Variants in HIBCH observed in about 807,000 individuals in gnomAD.
HIBCH encodes 3-hydroxyisobutyryl-CoA hydrolase.
In HIBCH, 50 loss-of-function variants were observed where a neutral mutation model predicts 58.2. The observed-to-expected ratio is 0.86, with a 90% CI of 0.68 to 1.09. The LOEUF is 1.09. HIBCH is among the 50% of genes least tolerant of loss of function. The pLI is 0.00. For missense variants in HIBCH, 450 were observed against 449.7 expected, an observed-to-expected ratio of 1.00 and a Z score of -0.01; for synonymous variants, 151 against 146.9, an observed-to-expected ratio of 1.03 and a Z score of -0.20.
intron 6 of HIBCH, among the ~76,000 whole-genome samples, chr2:190,276,440 T>A (rs1687553989): frequency 6.6e-6 from 1 of 152,248 alleles, no homozygotes; most frequent in African/African-American, 2.4e-5. Flanking sequence ...AAATCTCATG[T>A]TGAAATTTAT....
chr2:190,294,597 T>A lies in HIBCH; in HGVS notation c.253A>T (p.Ile85Phe). 3 of 1,612,748 alleles carry A rather than the reference T, an allele frequency of 1.9e-6. No individual in the cohort carries two copies. Among genetic ancestry groups the A allele is most frequent in the Non-Finnish European group, 2.5e-6 (3 of 1,179,624 alleles). Reference sequence around the variant, plus strand: ...GCCTTTCCTCCTGCTCCCTTTATAATGATCAGGAAAGTTTCAGGATCTTGT... The same window carrying A: ...GCCTTTCCTCCTGCTCCCTTTATAAAGATCAGGAAAGTTTCAGGATCTTGT... ...WEQDPETFLI[I>F]IKGAGGKAFC... Residue 85 changes from isoleucine to phenylalanine, a missense_variant, in exon 4 of 14, where the codon ATT becomes TTT. Physicochemically the swap from Ile to Phe is conservative, Grantham distance 21. Transcript: ENST00000359678.
At chr2:190,317,374 G>C (rs1053084337) in intron 1 of HIBCH, among the ~76,000 whole-genome samples, 2 of 152,172 alleles carry the variant, frequency 1.3e-5, no homozygotes, top group African/African-American at 2.4e-5. Context: ...CCCTACATAA[G>C]GAACAGTAGG....
intron 6 of HIBCH, among the ~76,000 whole-genome samples, chr2:190,269,119 C>T (rs1477414671): frequency 6.6e-6 from 1 of 152,128 alleles, no homozygotes; most frequent in Non-Finnish European, 1.5e-5. Context: ...AGACCTAAAA[C>T]CATAAAAACC....
rs1019612012 is a variant in HIBCH at position 190,211,646 on chromosome 2, C to T, written c.1011+1310G>A. On this transcript the variant is annotated intron_variant, in intron 12 of 13. Coordinates refer to ENST00000359678, the MANE Select transcript of HIBCH (RefSeq NM_014362.4). This position sits in a 1 kb window ranked among gnomAD's most constrained non-coding sequence, Gnocchi z 5.0. ...TACTTAAGGAGGTTTCCCATTGCCC[C>T]CCAACTCCCTCCTGTCCCTGCATAA... Among the ~76,000 whole-genome samples, 2 of 152,180 alleles carry T rather than the reference C, an allele frequency of 1.3e-5. No individual in the cohort carries two copies. The highest frequency in any genetic ancestry group is 4.8e-5 in the African/African-American group (2 of 41,446).
chr2:190,269,143 T>C (rs1261427482), intron 6 of HIBCH, among the ~76,000 whole-genome samples: 1 of 152,152 alleles, frequency 6.6e-6, no homozygotes, highest in Admixed American at 6.5e-5. Context: ...GAAGAAAATC[T>C]AGGCAATACC....
At position 190,319,796 on chromosome 2, in the gene HIBCH, A is replaced by G. The variant is rs745453202; in HGVS notation, c.-46T>C. On this transcript the variant is annotated 5_prime_UTR_variant, in exon 1 of 14. Transcript: ENST00000359678. The stretch of plus-strand genomic sequence containing the variant: ...AAGCAGCAGAGCGAGAATCTCCCGG[A>G]CCGTTCCAGCGCCTCGCGTGAGCCC... The G allele has an allele frequency of 1.2e-4, 197 of 1,594,984 alleles. No individual in the cohort carries two copies. The highest frequency in any genetic ancestry group is 1.6e-4 in the Non-Finnish European group (188 of 1,170,356).
intron 2 of HIBCH, 43 bp from the exon 3 acceptor site, chr2:190,296,996 T>G: frequency 6.3e-7 from 1 of 1,588,722 alleles, no homozygotes; most frequent in Non-Finnish European, 8.6e-7. Flanking sequence ...TTTCTTAAGT[T>G]TTTATCACAA....
chr2:190,232,328 A>G (rs753018435), intron 11 of HIBCH, among the ~76,000 whole-genome samples: 7 of 152,242 alleles, frequency 4.6e-5, no homozygotes, highest in Non-Finnish European at 1.0e-4. Context: ...AATATATGCA[A>G]GCATAAGTCT....
intron 11 of HIBCH, chr2:190,220,321 C>T (rs1685680928): frequency 6.6e-6 from 1 of 152,134 alleles, no homozygotes; most frequent in Non-Finnish European, 1.5e-5. Flanking sequence ...CTTCAAGATT[C>T]TGTGTTCTCT....
intron 11 of HIBCH, among the ~76,000 whole-genome samples, chr2:190,230,877 C>T (rs1686075725): frequency 6.6e-6 from 1 of 152,144 alleles, no homozygotes; most frequent in African/African-American, 2.4e-5. Flanking sequence ...TAAAACTTGA[C>T]ATGACAATTA....
intron 6 of HIBCH, 152 bp downstream of exon 6, chr2:190,287,434 T>C (rs1169095933): frequency 1.5e-6 from 1 of 654,246 alleles, no homozygotes; most frequent in East Asian, 2.8e-5. Context: ...GCAAATATTA[T>C]ATCTCAAATC....
At chr2:190,240,412 G>A (rs1161829617) in intron 11 of HIBCH, among the ~76,000 whole-genome samples, 1 of 151,638 alleles carries the variant, frequency 6.6e-6, no homozygotes, top group Non-Finnish European at 1.5e-5. Context: ...CTGGCTAGTG[G>A]TCTATTTTGT....
chr2:190,262,142 T>G (rs1687104316), intron 6 of HIBCH, among the ~76,000 whole-genome samples: 1 of 145,624 alleles, frequency 6.9e-6, no homozygotes, highest in African/African-American at 2.5e-5. Context: ...AAGTAAAAGC[T>G]GGTTTTATAT....
chr2:190,258,124 A>G (rs77315392), intron 7 of HIBCH, among the ~76,000 whole-genome samples: 29,857 of 152,016 alleles, frequency 0.2, 3,186 homozygotes, highest in East Asian at 0.32. Flanking sequence ...TGCTGTTCTC[A>G]TAATAATGAG....
chr2:190,266,450 T>C (rs915160491), intron 6 of HIBCH, among the ~76,000 whole-genome samples: 2 of 152,212 alleles, frequency 1.3e-5, no homozygotes, highest in African/African-American at 4.8e-5. Context: ...TTTATTTATT[T>C]TGAGCCAGAG....
In HIBCH at chr2:190,216,682, CA is replaced by C. The variant is rs1321124943; in HGVS notation, c.892-3608del. The stretch of plus-strand genomic sequence containing the variant: ...GATTTTTAAATGCTGGTTATCAGTT[CA>C]AAAAACTTAAAAACCCAATAGAGGC... On this transcript the variant is annotated intron_variant, in intron 11 of 13. Transcript: ENST00000359678. The surrounding 1 kb of genome is among the most constrained non-coding windows in gnomAD (Gnocchi z 4.2). Among the ~76,000 whole-genome samples the C allele has an allele frequency of 1.1e-4, 17 of 152,158 alleles. No homozygotes were observed. Among genetic ancestry groups the C allele is most frequent in the African/African-American group, 4.1e-4 (17 of 41,440 alleles).
At chr2:190,296,208 C>A (rs1048762224) in intron 3 of HIBCH, among the ~76,000 whole-genome samples, 1 of 152,152 alleles carries the variant, frequency 6.6e-6, no homozygotes, top group Non-Finnish European at 1.5e-5. Flanking sequence ...ATCACAAAGT[C>A]AGGAGATCAA....
At position 190,215,205 on chromosome 2, in the gene HIBCH, T is replaced by C. The variant is rs768725120; in HGVS notation, c.892-2130A>G. 5 of 152,120 alleles carry C rather than the reference T, an allele frequency of 3.3e-5. No homozygotes were observed. Among genetic ancestry groups the C allele is most frequent in the Admixed American group, 6.6e-5 (1 of 15,264 alleles). 9.4% of individuals were successfully genotyped at this position (152,120 alleles called of 1,614,324 possible). On this transcript the variant is annotated intron_variant, in intron 11 of 13. Transcript: ENST00000359678. This position sits in a 1 kb window ranked among gnomAD's most constrained non-coding sequence, Gnocchi z 4.4. Reference sequence around the variant, plus strand: ...GAGATGATGTCAATCATGAATATTGTGTTTACTGGGGAAGAGAGGGGAATA... The same window carrying C: ...GAGATGATGTCAATCATGAATATTGCGTTTACTGGGGAAGAGAGGGGAATA...
chr2:190,282,578 C>T (rs575285066), intron 6 of HIBCH, among the ~76,000 whole-genome samples: 13 of 152,344 alleles, frequency 8.5e-5, no homozygotes, highest in African/African-American at 3.1e-4. Flanking sequence ...CACCTCCCAA[C>T]ACCACCACAC....
Sources: allele counts gnomAD v4.1 joint callset (sites outside exome capture counted in the v4.1 genomes callset), GRCh38; gene constraint gnomAD v4.1.1; non-coding constraint Gnocchi (gnomAD v3.1); transcripts MANE v1.5; gene names NCBI Gene and HGNC (gene_info 2026-07-23, HGNC 2026-07-21).